The following C12orf56 variants were observed in gnomAD, a reference collection of about 807,000 sequenced individuals.
C12orf56 encodes the protein chromosome 12 open reading frame 56.
In C12orf56, 71 loss-of-function variants were observed where a neutral mutation model predicts 69.9. The observed-to-expected ratio is 1.02, with a 90% confidence interval of 0.84 to 1.24. C12orf56 has a LOEUF of 1.24. Ranked by LOEUF, C12orf56 falls within the 50% of genes most tolerant of loss-of-function variation. The probability of loss-of-function intolerance (pLI) is 0.00; values close to 1 mark genes in which losing one functional copy is unlikely to be tolerated. For synonymous variants in C12orf56, 276 were observed against 274.1 expected, an observed-to-expected ratio of 1.01 and a Z score of -0.07; for missense variants, 732 against 738.5, an observed-to-expected ratio of 0.99 and a Z score of 0.10.
At chr12:64,350,563 C>T (rs547911294) in intron 2 of C12orf56, among the ~76,000 whole-genome samples, 2 of 152,304 alleles carry the variant, frequency 1.3e-5, no homozygotes, top group South Asian at 4.2e-4. Context: ...TGGCCTGATA[C>T]ATTGTCTATA....
At chr12:64,354,609 C>T (rs2039280508) in intron 1 of C12orf56, among the ~76,000 whole-genome samples, 1 of 151,940 alleles carries the variant, frequency 6.6e-6, no homozygotes, top group Non-Finnish European at 1.5e-5. Context: ...AAGCGCCTGC[C>T]ACCACGCCTG....
At chr12:64,315,448 C>T (rs1466674750) in intron 4 of C12orf56, among the ~76,000 whole-genome samples, 1 of 151,944 alleles carries the variant, frequency 6.6e-6, no homozygotes, top group East Asian at 1.9e-4. Flanking sequence ...AAGGAATTAC[C>T]ACATTTCATC....
At chr12:64,354,993 G>A (rs535994464) in intron 1 of C12orf56, among the ~76,000 whole-genome samples, 22 of 147,382 alleles carry the variant, frequency 1.5e-4, no homozygotes, top group African/African-American at 4.5e-4. Context: ...CAGGAGAATC[G>A]CTTGAACCCT....
At chr12:64,375,081 A>T (rs11838014) in intron 1 of C12orf56, among the ~76,000 whole-genome samples, 66,170 of 151,078 alleles carry the variant, frequency 0.44, 16,123 homozygotes, top group Non-Finnish European at 0.56. Context: ...TTATTTATTT[A>T]TTTTTTGAGA....
At chr12:64,382,935 G>A (rs775933962) in intron 1 of C12orf56, among the ~76,000 whole-genome samples, 1 of 151,980 alleles carries the variant, frequency 6.6e-6, no homozygotes, top group Middle Eastern at 3.4e-3. Flanking sequence ...ACTCCATCTG[G>A]CTTCTAACTT....
chr12:64,342,661 G>A (rs2039090101), intron 2 of C12orf56, among the ~76,000 whole-genome samples: 2 of 152,212 alleles, frequency 1.3e-5, no homozygotes, highest in Admixed American at 1.3e-4. Context: ...ATGGCTAGAT[G>A]TGTCAGAAAG....
chr12:64,363,210 C>A (rs1008706308), intron 1 of C12orf56, among the ~76,000 whole-genome samples: 2 of 152,120 alleles, frequency 1.3e-5, no homozygotes, highest in African/African-American at 2.4e-5. Flanking sequence ...TGGTTTGGAA[C>A]CAAGTGATGC....
intron 2 of C12orf56, among the ~76,000 whole-genome samples, chr12:64,352,013 T>C (rs964276588): frequency 1.3e-5 from 2 of 152,268 alleles, no homozygotes; most frequent in Admixed American, 6.5e-5. Context: ...CTTAAACTGG[T>C]TGGCTTAAGA....
At chr12:64,369,677 T>C (rs2039543616) in intron 1 of C12orf56, among the ~76,000 whole-genome samples, 2 of 151,976 alleles carry the variant, frequency 1.3e-5, no homozygotes, top group Non-Finnish European at 2.9e-5. Context: ...AACATTTTTA[T>C]ATACTATTAA....
intron 5 of C12orf56, among the ~76,000 whole-genome samples, chr12:64,308,938 AAGAAGAAAGAAAG>A (rs1565748929): frequency 7.5e-5 from 3 of 39,996 alleles, no homozygotes; most frequent in African/African-American, 2.5e-4. Flanking sequence ...GAAAGAAAGA[AAGAAGAAAGAAAG>A]AAAGAAAGAA....
intron 1 of C12orf56, among the ~76,000 whole-genome samples, chr12:64,367,339 ATATATTATAT>A (rs199935346): frequency 7.5e-6 from 1 of 132,732 alleles, no homozygotes; most frequent in Non-Finnish European, 1.5e-5. Context: ...TATACAGTTT[ATATATTATAT>A]TATATTATAT....
chr12:64,329,399 A>G (rs1028233351), intron 3 of C12orf56, among the ~76,000 whole-genome samples: 1 of 151,938 alleles, frequency 6.6e-6, no homozygotes, highest in Non-Finnish European at 1.5e-5. Context: ...TCACTACCCC[A>G]GTTCACATTC....
chr12:64,268,312 G>T (rs1484490502), intron 12 of C12orf56, among the ~76,000 whole-genome samples: 2 of 152,148 alleles, frequency 1.3e-5, no homozygotes, highest in Non-Finnish European at 2.9e-5. Flanking sequence ...CCTAACTGTT[G>T]TCATCTCACA....
At chr12:64,366,186 ATGTATAATATATAGCT>A (rs1371675150) in intron 1 of C12orf56, among the ~76,000 whole-genome samples, 5 of 125,818 alleles carry the variant, frequency 4.0e-5, no homozygotes, top group Non-Finnish European at 6.2e-5. Flanking sequence ...TTTATATATT[ATGTATAATATATAGCT>A]TGTATAATAT....
Position 64,323,565 on chromosome 12 carries a change from C to CTTTTT in C12orf56, c.489-4590_489-4586dup, listed in dbSNP as rs375927934. The stretch of plus-strand genomic sequence containing the variant: ...CTAAAACAACTACTGCAAACATTTC[C>CTTTTT]TTTTTTTTTTTTTGCCAAGACAGGG... On this transcript the variant is annotated intron_variant, in intron 3 of 12. Coordinates refer to ENST00000543942, the MANE Select transcript of C12orf56 (RefSeq NM_001170633.2). Among the ~76,000 whole-genome samples the CTTTTT allele has an allele frequency of 5.3e-5, 7 of 130,848 alleles. 1 individual carries two copies. The highest frequency in any genetic ancestry group is 2.1e-4 in the East Asian group (1 of 4,652). The allele number at this position is 130,848 out of a possible 152,430, so 85.8% of individuals were successfully genotyped here.
chr12:64,267,264 C>A lies in C12orf56; in HGVS notation c.1788G>T (p.Leu596Phe). 6.2e-7 allele frequency: 1 copy of A among 1,610,820 alleles called. No individual in the cohort carries two copies. Among genetic ancestry groups the A allele is most frequent in the Non-Finnish European group, 8.5e-7 (1 of 1,178,678 alleles). ...EFRYFIHMPA[L>F]QKRLPLCYPI... Reference sequence around the variant, plus strand: ...GGTAACACAATGGGAGCCTTTTCTGCAAGGCTGGCATGTGAATAAAGTACC... The same window carrying A: ...GGTAACACAATGGGAGCCTTTTCTGAAAGGCTGGCATGTGAATAAAGTACC... The change falls in exon 13 of 13, where the codon TTG becomes TTT. Residue 596 changes from leucine (L) to phenylalanine (F), a missense_variant. Physicochemically the swap from Leu to Phe is conservative, Grantham distance 22 (BLOSUM62 0). Transcript: ENST00000543942.
chr12:64,307,827 A>C (rs540572206), intron 5 of C12orf56, among the ~76,000 whole-genome samples: 201 of 151,874 alleles, frequency 1.3e-3, no homozygotes, highest in Non-Finnish European at 2.2e-3. Flanking sequence ...ATATAACCAG[A>C]CCCCATCTCA....
At chr12:64,337,666 G>T (rs1056706256) in intron 2 of C12orf56, among the ~76,000 whole-genome samples, 2 of 151,984 alleles carry the variant, frequency 1.3e-5, no homozygotes, top group Admixed American at 6.6e-5. Context: ...AGACCAGACT[G>T]GCCAACATGG....
At chr12:64,307,318 C>G (rs543905352) in intron 5 of C12orf56, among the ~76,000 whole-genome samples, 16 of 151,646 alleles carry the variant, frequency 1.1e-4, no homozygotes, top group African/African-American at 3.9e-4. Context: ...AAATGATTAT[C>G]ACACCCTACA....
Sources: gnomAD v4.1 joint callset for allele counts (sites outside exome capture counted in the v4.1 genomes callset) on GRCh38, gnomAD v4.1.1 for gene constraint, MANE v1.5 for transcripts, NCBI Gene and HGNC (gene_info 2026-07-23, HGNC 2026-07-21) for gene names.